MTHFD2L: variants seen among roughly 807,000 people sequenced by gnomAD.
The protein encoded by MTHFD2L is bifunctional methylenetetrahydrofolate dehydrogenase/cyclohydrolase 2, mitochondrial.
A neutral mutation model predicts 34.9 loss-of-function variants in MTHFD2L; 29 were observed. That is an observed-to-expected ratio of 0.83 (90% confidence interval 0.62 to 1.13). MTHFD2L has a LOEUF of 1.13. Ranked by LOEUF, MTHFD2L falls within the 50% of genes most tolerant of loss-of-function variation. MTHFD2L has a pLI of 0.00. For synonymous variants in MTHFD2L, 167 were observed against 155.7 expected, an observed-to-expected ratio of 1.07 and a Z score of -0.54; for missense variants, 481 against 446.5, an observed-to-expected ratio of 1.08 and a Z score of -0.70.
At chr4:74,189,887 A>T (rs1732165392) in intron 3 of MTHFD2L, among the ~76,000 whole-genome samples, 1 of 152,044 alleles carries the variant, frequency 6.6e-6, no homozygotes, top group Admixed American at 6.6e-5. Flanking sequence ...GAAGATGGAT[A>T]TTTCTCTGTG....
chr4:74,302,612 TAAAAA>T lies in MTHFD2L; in HGVS notation c.*806_*810del, dbSNP rs534354662. 2.0e-5 allele frequency: 3 copies of T among 151,812 alleles called. No individual in the cohort carries two copies. The highest frequency in any genetic ancestry group is 4.4e-5 in the Non-Finnish European group (3 of 67,902). 9.4% of individuals were successfully genotyped at this position (151,812 alleles called of 1,614,324 possible). ...CCTTCACTGAGCAATAGTGGAAAAATAAAAAAATAAGTAAACAGAAAAAACTAAAG... is the reference window on the plus strand; with the variant it reads ...CCTTCACTGAGCAATAGTGGAAAAATAATAAGTAAACAGAAAAAACTAAAG... On this transcript the variant is annotated 3_prime_UTR_variant, in exon 8 of 8. Coordinates refer to ENST00000325278, the MANE Select transcript of MTHFD2L (RefSeq NM_001144978.3).
chr4:74,130,886 A>T (rs758953393), intron 1 of MTHFD2L, among the ~76,000 whole-genome samples: 1 of 152,204 alleles, frequency 6.6e-6, no homozygotes, highest in African/African-American at 2.4e-5. Context: ...CAACTTCAGC[A>T]AAGTCTCAGG....
chr4:74,261,939 G>A (rs1053828714), intron 6 of MTHFD2L, among the ~76,000 whole-genome samples: 1 of 151,948 alleles, frequency 6.6e-6, no homozygotes, highest in African/African-American at 2.4e-5. Flanking sequence ...CACTTAGAAC[G>A]CTGACTGACT....
intron 6 of MTHFD2L, among the ~76,000 whole-genome samples, chr4:74,260,956 T>A (rs1002195268): frequency 3.3e-5 from 5 of 151,570 alleles, no homozygotes; most frequent in African/African-American, 7.3e-5. Flanking sequence ...TTTTAAGCTA[T>A]CAATATTTGG....
At chr4:74,140,917 A>G (rs560427717) in intron 1 of MTHFD2L, among the ~76,000 whole-genome samples, 1 of 152,324 alleles carries the variant, frequency 6.6e-6, no homozygotes, top group African/African-American at 2.4e-5. Flanking sequence ...GGATTATGGG[A>G]ATTACAAAAT....
chr4:74,283,075 C>T (rs1225825278), intron 7 of MTHFD2L, among the ~76,000 whole-genome samples: 2 of 152,020 alleles, frequency 1.3e-5, no homozygotes, highest in Non-Finnish European at 2.9e-5. Context: ...GCAAAATTAC[C>T]ACATTTGTGA....
At chr4:74,183,371 A>T (rs1201080749) in intron 3 of MTHFD2L, 7 of 152,184 alleles carry the variant, frequency 4.6e-5, no homozygotes, top group African/African-American at 1.4e-4. Flanking sequence ...TGATCTAAGA[A>T]ATACTAAAAG....
At chr4:74,182,528 A>G (rs541991248) in intron 3 of MTHFD2L, among the ~76,000 whole-genome samples, 5 of 152,258 alleles carry the variant, frequency 3.3e-5, no homozygotes, top group Non-Finnish European at 5.9e-5. Flanking sequence ...TCAAACATAC[A>G]AGGGCTGAGT....
chr4:74,293,502 T>C lies in MTHFD2L; in HGVS notation c.932-8195T>C, dbSNP rs548494134. On this transcript the variant is annotated intron_variant, in intron 7 of 7. Coordinates refer to ENST00000325278, the MANE Select transcript of MTHFD2L (RefSeq NM_001144978.3). ...TACTGACCACAGGATGCCACGATAA[T>C]GAACATCTCAATATATTTAGAAAAC... 3.1e-6 allele frequency: 3 copies of C among 983,452 alleles called. No homozygotes were observed. The African/African-American group carries it at 5.2e-5, about 17-fold the overall frequency. The allele number at this position is 983,452 out of a possible 1,614,324, so 60.9% of individuals were successfully genotyped here. A position where few individuals can be genotyped will look rare whatever the true frequency, so the allele number is the denominator to read the frequency against.
intron 1 of MTHFD2L, among the ~76,000 whole-genome samples, chr4:74,170,435 T>TA (rs1560439700): frequency 2.6e-5 from 4 of 152,046 alleles, no homozygotes; most frequent in Admixed American, 2.0e-4. Flanking sequence ...CTCACCAAAC[T>TA]AAAAATAGAC....
At chr4:74,234,762 A>G (rs1408340257) in intron 6 of MTHFD2L, among the ~76,000 whole-genome samples, 1 of 151,808 alleles carries the variant, frequency 6.6e-6, no homozygotes, top group Non-Finnish European at 1.5e-5. Flanking sequence ...GTATGTATGT[A>G]TATGTACATG....
At chr4:74,224,540 C>A (rs921550225) in intron 5 of MTHFD2L, among the ~76,000 whole-genome samples, 1 of 152,110 alleles carries the variant, frequency 6.6e-6, no homozygotes, top group African/African-American at 2.4e-5. Flanking sequence ...CGTATTCTTA[C>A]CAGAAATCCT....
intron 1 of MTHFD2L, among the ~76,000 whole-genome samples, chr4:74,171,523 C>T (rs752588540): frequency 6.6e-5 from 10 of 152,170 alleles, no homozygotes; most frequent in Non-Finnish European, 1.5e-4. Context: ...ATTAAAGCGG[C>T]CAGGAGTGGT....
chr4:74,135,408 T>A (rs1263672323), intron 1 of MTHFD2L, among the ~76,000 whole-genome samples: 1 of 151,948 alleles, frequency 6.6e-6, no homozygotes, highest in African/African-American at 2.4e-5. Context: ...ATAGAAGAAA[T>A]GGATAAATTC....
At chr4:74,274,890 G>C (rs1325919711) in intron 6 of MTHFD2L, among the ~76,000 whole-genome samples, 6 of 152,032 alleles carry the variant, frequency 3.9e-5, no homozygotes, top group Non-Finnish European at 7.4e-5. Context: ...TTAGGGTGTG[G>C]GGGCAAAGTT....
chr4:74,220,922 TTC>T (rs1738065283), intron 5 of MTHFD2L, among the ~76,000 whole-genome samples: 2 of 151,208 alleles, frequency 1.3e-5, no homozygotes, highest in African/African-American at 2.4e-5. Context: ...ATTTTCTTAT[TTC>T]TGTTTTATTG....
At chr4:74,273,724 G>A (rs1231278925) in intron 6 of MTHFD2L, among the ~76,000 whole-genome samples, 6 of 152,126 alleles carry the variant, frequency 3.9e-5, no homozygotes, top group African/African-American at 1.4e-4. Flanking sequence ...AGGGGGAATG[G>A]TCTTCGGTTT....
At chr4:74,160,092 G>A (rs957816833) in intron 1 of MTHFD2L, 51 of 1,289,262 alleles carry the variant, frequency 4.0e-5, no homozygotes, top group Non-Finnish European at 5.0e-5. Flanking sequence ...TCCAGAGGTT[G>A]CCACTGTCTG....
At chr4:74,152,446 G>T (rs528119195) in intron 1 of MTHFD2L, among the ~76,000 whole-genome samples, 1 of 152,030 alleles carries the variant, frequency 6.6e-6, no homozygotes, top group South Asian at 2.1e-4. Flanking sequence ...TTTTTATTGA[G>T]AATTCCCTTA....
Sources: allele counts gnomAD v4.1 joint callset (sites outside exome capture counted in the v4.1 genomes callset), GRCh38; gene constraint gnomAD v4.1.1; transcripts MANE v1.5; gene names NCBI Gene and HGNC (gene_info 2026-07-23, HGNC 2026-07-21).